STX12: variants seen among roughly 807,000 people sequenced by gnomAD.
The protein encoded by STX12 is syntaxin-12.
A neutral mutation model predicts 42.2 loss-of-function variants in STX12; 17 were observed. The ratio of observed to expected loss-of-function variants is 0.40; its 90% CI spans 0.28 to 0.60. STX12 has a LOEUF of 0.60. Among genes scored for constraint, STX12 ranks in the 20% least tolerant of loss-of-function variants. STX12 has a pLI of 0.39. For missense variants in STX12, 297 were observed against 330.9 expected (o/e 0.90, Z 0.79); for synonymous variants, 108 against 116.7 (o/e 0.93, Z 0.48).
intron 3 of STX12, among the ~76,000 whole-genome samples, chr1:27,801,394 A>C (rs1432090391): frequency 6.6e-6 from 1 of 151,090 alleles, no homozygotes; most frequent in South Asian, 2.1e-4. Context: ...ACAGAGCAAG[A>C]CTCCGTCTCA....
rs773646731 is a variant in STX12 at position 27,823,649 on chromosome 1, G to C, written c.*1320G>C. The C allele has an allele frequency of 1.3e-5, 2 of 152,606 alleles. No homozygotes were observed. Among genetic ancestry groups the C allele is most frequent in the African/African-American group, 2.4e-5 (1 of 41,444 alleles). 9.5% of individuals were successfully genotyped at this position (152,606 alleles called of 1,614,324 possible). A position where few individuals can be genotyped will look rare whatever the true frequency, so the allele number is the denominator to read the frequency against. ...TATTCATTTCTTCTGTTCTCCTTCT[G>C]TTATTATACTTAATCTTCTAAACTA... is the stretch of plus-strand genomic sequence containing the variant. On this transcript the variant is annotated 3_prime_UTR_variant, in exon 9 of 9. Coordinates refer to ENST00000373943, the MANE Select transcript of STX12 (RefSeq NM_177424.3).
intron 6 of STX12, among the ~76,000 whole-genome samples, chr1:27,814,122 T>C (rs1237658633): frequency 6.6e-6 from 1 of 152,144 alleles, no homozygotes; most frequent in Non-Finnish European, 1.5e-5. Context: ...GCTGGTCTTG[T>C]CTGTTTTTAG....
chr1:27,810,509 C>T lies in STX12; in HGVS notation c.470+220C>T, dbSNP rs183191908. Among the ~76,000 whole-genome samples, 504 of 152,226 alleles carry T rather than the reference C, an allele frequency of 3.3e-3. 4 individuals carry two copies. Among genetic ancestry groups the T allele is most frequent in the African/African-American group, 0.011 (476 of 41,538 alleles). ...GTAATTTCAAGGTGAATAAAAACTT[C>T]CAAGAAACCATTGATGTCTATGTGT... On this transcript the variant is annotated intron_variant, in intron 5 of 8. Coordinates refer to ENST00000373943, the MANE Select transcript of STX12 (RefSeq NM_177424.3).
chr1:27,773,266 G>C lies in STX12; in HGVS notation c.-42G>C, dbSNP rs775946499. On this transcript the variant is annotated 5_prime_UTR_variant, in exon 1 of 9. Coordinates refer to ENST00000373943, the MANE Select transcript of STX12 (RefSeq NM_177424.3). ...GGGTCCCGGCTGGCGGCTGCTTCCGGTAGGAGAGCGGTGTAGAGCGAGCAG... is the reference window on the plus strand; with the variant it reads ...GGGTCCCGGCTGGCGGCTGCTTCCGCTAGGAGAGCGGTGTAGAGCGAGCAG... 8 of 1,384,696 alleles carry C rather than the reference G, an allele frequency of 5.8e-6. No individual in the cohort carries two copies. The South Asian group carries it at 8.5e-5, about 15-fold the overall frequency. The allele number at this position is 1,384,696 out of a possible 1,614,324, so 85.8% of individuals were successfully genotyped here.
rs911993510 is a variant in STX12 at position 27,802,617 on chromosome 1, G to C, written c.426+802G>C. 4.5e-4 allele frequency among the ~76,000 whole-genome samples: 69 copies of C among 152,188 alleles called. 1 individual carries two copies. Among genetic ancestry groups the C allele is most frequent in the African/African-American group, 1.7e-3 (69 of 41,444 alleles). ...CTGAATGGTTCAGTGGTCCTGGACT[G>C]GGAGAGCCACCTATGTGTGGGATAG... On this transcript the variant is annotated intron_variant, in intron 4 of 8. Transcript: ENST00000373943.
chr1:27,779,318 G>GT (rs975537329), intron 1 of STX12, among the ~76,000 whole-genome samples: 4 of 146,868 alleles, frequency 2.7e-5, no homozygotes, highest in Non-Finnish European at 5.9e-5. Context: ...GAATCAGATG[G>GT]TTTTTTTTGT....
chr1:27,818,934 CT>C (rs139818363), intron 7 of STX12, among the ~76,000 whole-genome samples: 18,744 of 151,778 alleles, frequency 0.12, 3,857 homozygotes, highest in African/African-American at 0.43. Context: ...GCCAGTAACT[CT>C]TTTTTTTAAA....
At chr1:27,794,177 A>G (rs1024714435) in intron 3 of STX12, among the ~76,000 whole-genome samples, 1 of 151,930 alleles carries the variant, frequency 6.6e-6, no homozygotes, top group African/African-American at 2.4e-5. Flanking sequence ...GGCATGTGCC[A>G]CCACACCCAG....
At chr1:27,792,261 C>CATATATATGTATCTATATATATGTAG (rs1330944557) in intron 2 of STX12, among the ~76,000 whole-genome samples, 1 of 119,850 alleles carries the variant, frequency 8.3e-6, no homozygotes, top group Non-Finnish European at 1.7e-5. Context: ...TATGTAGATA[C>CATATATATGTATCTATATATATGTAG]ATATATATGT....
chr1:27,782,565 C>T (rs549959720), intron 1 of STX12, among the ~76,000 whole-genome samples: 62 of 151,316 alleles, frequency 4.1e-4, no homozygotes, highest in African/African-American at 1.4e-3. Flanking sequence ...TTGATGGACA[C>T]GGTGACTCAC....
At chr1:27,794,869 G>A (rs1202540943) in intron 3 of STX12, among the ~76,000 whole-genome samples, 1 of 151,942 alleles carries the variant, frequency 6.6e-6, no homozygotes, top group Non-Finnish European at 1.5e-5. Context: ...CCACAAGTGC[G>A]CACCACCACA....
chr1:27,804,779 C>G (rs1281837815), intron 4 of STX12, among the ~76,000 whole-genome samples: 1 of 151,586 alleles, frequency 6.6e-6, no homozygotes, highest in African/African-American at 2.4e-5. Context: ...CCGCTGCACT[C>G]CAGCCTGGGC....
intron 1 of STX12, among the ~76,000 whole-genome samples, chr1:27,784,742 C>CT (rs2088689133): frequency 6.6e-6 from 1 of 152,156 alleles, no homozygotes; most frequent in African/African-American, 2.4e-5. Context: ...AACTACGACA[C>CT]TGTTGTCCTT....
chr1:27,810,330 G>T lies in STX12; in HGVS notation c.470+41G>T, dbSNP rs548198465. 164 of 1,537,918 alleles carry T rather than the reference G, an allele frequency of 1.1e-4. 3 individuals are homozygous for T. In the South Asian group the frequency reaches 1.8e-3, roughly 17 times the overall value. ...ATACAACCTGCTGGATAGTTGAGAT[G>T]GGAATCTATCTCGTTATATTTTAAT... On this transcript the variant is annotated intron_variant, in intron 5 of 8. Coordinates refer to ENST00000373943, the MANE Select transcript of STX12 (RefSeq NM_177424.3).
intron 1 of STX12, among the ~76,000 whole-genome samples, chr1:27,784,228 C>T (rs2088686482): frequency 6.6e-6 from 1 of 151,804 alleles, no homozygotes; most frequent in South Asian, 2.1e-4. Flanking sequence ...ATTCATTTGT[C>T]TATTTATTTT....
intron 7 of STX12, among the ~76,000 whole-genome samples, chr1:27,818,375 C>T (rs1173487301): frequency 9.8e-5 from 14 of 142,658 alleles, no homozygotes; most frequent in African/African-American, 3.4e-4. Flanking sequence ...AATGAGACTT[C>T]GTCTCAATTA....
intron 1 of STX12, among the ~76,000 whole-genome samples, chr1:27,779,288 G>A (rs2088649218): frequency 6.6e-6 from 1 of 151,610 alleles, no homozygotes; most frequent in Non-Finnish European, 1.5e-5. Flanking sequence ...AGAGCCTAAA[G>A]TGGCTCTCTG....
At chr1:27,809,633 T>C (rs990693284) in intron 4 of STX12, among the ~76,000 whole-genome samples, 1 of 151,906 alleles carries the variant, frequency 6.6e-6, no homozygotes, top group African/African-American at 2.4e-5. Flanking sequence ...ATTTTTTTTG[T>C]ATTTTTAGTA....
rs116417958 is a variant in STX12 at position 27,819,913 on chromosome 1, A to C, written c.732+181A>C. The C allele has an allele frequency of 6.4e-4, 343 of 532,842 alleles. 1 individual carries two copies. The highest frequency in any genetic ancestry group is 6.1e-3 in the African/African-American group (320 of 52,368). The allele number at this position is 532,842 out of a possible 1,614,324, so 33.0% of individuals were successfully genotyped here. A position where few individuals can be genotyped will look rare whatever the true frequency, so the allele number is the denominator to read the frequency against. On this transcript the variant is annotated intron_variant, in intron 8 of 8. Transcript: ENST00000373943. Reference sequence around the variant, plus strand: ...CTTTGCAGATAGATCTACAAAAAATAATCACACCTTGAATAAACTTATCAG... The same window carrying C: ...CTTTGCAGATAGATCTACAAAAAATCATCACACCTTGAATAAACTTATCAG...
Sources: gnomAD v4.1 joint callset for allele counts (sites outside exome capture counted in the v4.1 genomes callset) on GRCh38, gnomAD v4.1.1 for gene constraint, MANE v1.5 for transcripts, NCBI Gene and HGNC (gene_info 2026-07-23, HGNC 2026-07-21) for gene names.